Variants in ADD2 observed in about 807,000 individuals in gnomAD.
The protein encoded by ADD2 is adducin 2.
A neutral mutation model predicts 83.0 loss-of-function variants in ADD2; 23 were observed. The ratio of observed to expected loss-of-function variants is 0.28; its 90% confidence interval spans 0.20 to 0.39. The LOEUF is 0.39. ADD2 is among the 10% of genes least tolerant of loss of function. The probability of loss-of-function intolerance (pLI) is 1.00; values close to 1 mark genes in which losing one functional copy is unlikely to be tolerated. For synonymous variants in ADD2, 375 were observed against 375.4 expected (o/e 1.00, Z 0.01); for missense variants, 758 against 944.9 (o/e 0.80, Z 2.59).
intron 2 of ADD2, among the ~76,000 whole-genome samples, chr2:70,712,791 G>A (rs1553375685): frequency 6.6e-6 from 1 of 152,186 alleles, no homozygotes; most frequent in African/African-American, 2.4e-5. Flanking sequence ...GTCAGGTGGG[G>A]AGTTCTCCCT....
intron 15 of ADD2, among the ~76,000 whole-genome samples, chr2:70,667,856 C>T (rs782385746): frequency 4.6e-5 from 7 of 151,990 alleles, no homozygotes; most frequent in Non-Finnish European, 4.4e-5. Context: ...GGACCTCAGG[C>T]GATCCACCAG....
intron 1 of ADD2, among the ~76,000 whole-genome samples, chr2:70,749,960 A>G (rs1348227595): frequency 6.6e-6 from 1 of 152,172 alleles, no homozygotes; most frequent in Non-Finnish European, 1.5e-5. Flanking sequence ...CTTAACCAAT[A>G]TAGAGTGTCA....
intron 1 of ADD2, among the ~76,000 whole-genome samples, chr2:70,749,838 G>C (rs192976882): frequency 6.6e-6 from 1 of 152,170 alleles, no homozygotes; most frequent in Non-Finnish European, 1.5e-5. Context: ...ATAAGGAGTC[G>C]CTGCACCAGC....
chr2:70,692,323 G>C, intron 7 of ADD2, 80 bp downstream of exon 7: 3 of 1,414,556 alleles, frequency 2.1e-6, no homozygotes, highest in Non-Finnish European at 2.8e-6. Flanking sequence ...GATCTTTCCA[G>C]ACTGTTTTAA....
chr2:70,670,522 G>A (rs1553366896), intron 15 of ADD2, among the ~76,000 whole-genome samples: 2 of 152,218 alleles, frequency 1.3e-5, no homozygotes, highest in African/African-American at 4.8e-5. Flanking sequence ...AAGAGAAGGT[G>A]ATAGCACAGA....
intron 8 of ADD2, 47 bp from the exon 9 acceptor site, chr2:70,688,169 T>A: frequency 6.6e-7 from 1 of 1,506,912 alleles, no homozygotes; most frequent in Non-Finnish European, 9.2e-7. Context: ...CCTCTAAACT[T>A]TAGTTAAGAG....
At chr2:70,673,280 C>T (rs1669984113) in intron 14 of ADD2, 3 of 1,614,144 alleles carry the variant, frequency 1.9e-6, no homozygotes, top group African/African-American at 1.3e-5. Flanking sequence ...CGCTGAAGAA[C>T]TCGCACACGG....
chr2:70,734,878 G>C (rs182053932), intron 1 of ADD2, among the ~76,000 whole-genome samples: 1 of 152,324 alleles, frequency 6.6e-6, no homozygotes, highest in Non-Finnish European at 1.5e-5. Flanking sequence ...AGCCCTGAGA[G>C]ATCAAGTTCT....
At chr2:70,695,247 C>T (rs531710876) in intron 6 of ADD2, among the ~76,000 whole-genome samples, 11 of 152,238 alleles carry the variant, frequency 7.2e-5, no homozygotes, top group Middle Eastern at 3.4e-3. Context: ...CTTTCCTCCC[C>T]CCATCTGGAA....
In ADD2 at chr2:70,665,810, G is replaced by GTTT. The variant is rs879978891; in HGVS notation, c.1871-2078_1871-2076dup. Reference sequence around the variant, plus strand: ...CAGCATCTGCAAAACGATCACACTTGTTTTTTTGTTTTTTTTTTTTTCCCG... The same window carrying GTTT: ...CAGCATCTGCAAAACGATCACACTTGTTTTTTTTTTGTTTTTTTTTTTTTCCCG... On this transcript the variant is annotated intron_variant, in intron 15 of 15. Transcript: ENST00000264436. 1.3e-3 allele frequency among the ~76,000 whole-genome samples: 171 copies of GTTT among 135,788 alleles called. 1 individual carries two copies. The highest frequency in any genetic ancestry group is 4.4e-3 in the African/African-American group (149 of 34,110). 89.1% of individuals were successfully genotyped at this position (135,788 alleles called of 152,430 possible). A position where few individuals can be genotyped will look rare whatever the true frequency, so the allele number is the denominator to read the frequency against.
intron 13 of ADD2, chr2:70,675,894 C>A: frequency 1.0e-6 from 1 of 985,338 alleles, no homozygotes; most frequent in Non-Finnish European, 1.2e-6. Flanking sequence ...TGAACTCTCA[C>A]CTCCCGCCAG....
intron 1 of ADD2, among the ~76,000 whole-genome samples, chr2:70,746,734 C>G (rs1259123765): frequency 6.6e-6 from 1 of 152,176 alleles, no homozygotes; most frequent in African/African-American, 2.4e-5. Flanking sequence ...CCACTGGCCT[C>G]TAGGATTTCT....
rs1158752316 is a variant in ADD2, at chr2:70,683,630, C to T, written c.1086G>A (p.Glu362=). Residue 362 remains glutamate, a synonymous_variant, in exon 10 of 16, where the codon GAG becomes GAA. Coordinates refer to ENST00000264436, the MANE Select transcript of ADD2 (RefSeq NM_001617.4). ...FGPMQKSRLG[E]HEFEALMRML... The stretch of plus-strand genomic sequence containing the variant: ...TCCTCATGAGGGCCTCAAACTCATG[C>T]TCCCCCAGCCGACTCTTCTGCATAG... 5.0e-6 allele frequency: 8 copies of T among 1,613,748 alleles called. No individual in the cohort carries two copies. The highest frequency in any genetic ancestry group is 6.8e-6 in the Non-Finnish European group (8 of 1,179,832).
intron 1 of ADD2, among the ~76,000 whole-genome samples, chr2:70,738,432 C>T (rs1553380541): frequency 2.6e-5 from 4 of 152,294 alleles, no homozygotes; most frequent in African/African-American, 9.6e-5. Flanking sequence ...AGGCACTTGT[C>T]TTTGCTACTT....
intron 1 of ADD2, among the ~76,000 whole-genome samples, chr2:70,745,782 A>G (rs1424428392): frequency 6.6e-6 from 1 of 152,200 alleles, no homozygotes; most frequent in African/African-American, 2.4e-5. Flanking sequence ...ACTCAGGGAC[A>G]TATGTGAGGT....
Position 70,676,889 on chromosome 2 carries a change from T to C in ADD2, c.1504-4A>G. ...CTTGTCGGTTTTGTTCTCGAATCTG[T>C]GTGGAAAGGGGAGAGGAAGAGTGAG... On this transcript the variant is annotated splice_region_variant and splice_polypyrimidine_tract_variant and intron_variant, in intron 12 of 15. Coordinates refer to ENST00000264436, the MANE Select transcript of ADD2 (RefSeq NM_001617.4). This position sits in a 1 kb window ranked among gnomAD's most constrained non-coding sequence, Gnocchi z 4.8. 3.7e-6 allele frequency: 6 copies of C among 1,612,152 alleles called. No homozygotes were observed. Among genetic ancestry groups the C allele is most frequent in the Non-Finnish European group, 5.1e-6 (6 of 1,178,628 alleles).
chr2:70,674,930 G>A, intron 13 of ADD2, 105 bp from the exon 14 acceptor site: 2 of 1,481,284 alleles, frequency 1.4e-6, no homozygotes, highest in South Asian at 1.4e-5. Context: ...TCTTGCTAGG[G>A]ACAGCGTGGC....
At chr2:70,671,752 C>T (rs1486985884) in intron 15 of ADD2, among the ~76,000 whole-genome samples, 1 of 152,176 alleles carries the variant, frequency 6.6e-6, no homozygotes, top group Non-Finnish European at 1.5e-5. Context: ...AACACTGGGC[C>T]TGCACAGGAG....
chr2:70,762,189 T>C (rs1448212517), intron 1 of ADD2, among the ~76,000 whole-genome samples: 2 of 151,516 alleles, frequency 1.3e-5, no homozygotes, highest in Non-Finnish European at 2.9e-5. Context: ...GGATTAAAAA[T>C]CCAATTATGA....
Sources: gnomAD v4.1 joint callset for allele counts (sites outside exome capture counted in the v4.1 genomes callset) on GRCh38, gnomAD v4.1.1 for gene constraint, Gnocchi (gnomAD v3.1) non-coding constraint, MANE v1.5 for transcripts, NCBI Gene and HGNC (gene_info 2026-07-23, HGNC 2026-07-21) for gene names.